The following TNKS variants were observed in gnomAD, a reference collection of about 807,000 sequenced individuals.
The protein encoded by TNKS is tankyrase.
A neutral mutation model predicts 135.8 loss-of-function variants in TNKS; 72 were observed. The ratio of observed to expected loss-of-function variants is 0.53; its 90% CI spans 0.44 to 0.64. TNKS has a LOEUF of 0.64. TNKS is among the 30% of genes least tolerant of loss of function. TNKS has a pLI of 0.00. For missense variants in TNKS, 1,769 were observed against 1,674.0 expected, an observed-to-expected ratio of 1.06 and a Z score of -0.99; for synonymous variants, 849 against 649.3, an observed-to-expected ratio of 1.31 and a Z score of -4.68.
At chr8:9,653,891 T>G (rs1801240920) in intron 3 of TNKS, among the ~76,000 whole-genome samples, 1 of 152,172 alleles carries the variant, frequency 6.6e-6, no homozygotes, top group Non-Finnish European at 1.5e-5. Context: ...CTCCCTCTAG[T>G]CCTTTCCCTG....
intron 2 of TNKS, among the ~76,000 whole-genome samples, chr8:9,592,627 A>G (rs755744189): frequency 6.6e-6 from 1 of 152,206 alleles, no homozygotes; most frequent in South Asian, 2.1e-4. Context: ...GTAGGAACTA[A>G]CAATAATCTT....
chr8:9,722,284 A>G (rs543044387), intron 12 of TNKS: 3 of 152,232 alleles, frequency 2.0e-5, no homozygotes, highest in Non-Finnish European at 2.9e-5. Context: ...TAGGGCTTGT[A>G]GAGATTATGA....
At chr8:9,679,420 C>T (rs1802678435) in intron 3 of TNKS, among the ~76,000 whole-genome samples, 1 of 151,972 alleles carries the variant, frequency 6.6e-6, no homozygotes, top group Non-Finnish European at 1.5e-5. Flanking sequence ...TCAAAGCCTT[C>T]GTGGTTCTGA....
chr8:9,573,616 C>G (rs1036486158), intron 1 of TNKS, among the ~76,000 whole-genome samples: 1 of 152,126 alleles, frequency 6.6e-6, no homozygotes, highest in East Asian at 1.9e-4. Context: ...TAGACAACCC[C>G]AAACTTAGTT....
At chr8:9,581,434 C>A (rs1219260482) in intron 2 of TNKS, among the ~76,000 whole-genome samples, 1 of 152,140 alleles carries the variant, frequency 6.6e-6, no homozygotes, top group African/African-American at 2.4e-5. Flanking sequence ...CTCCCATTTC[C>A]TCCTAAGTCT....
chr8:9,692,337 C>A (rs1585334632), intron 5 of TNKS, among the ~76,000 whole-genome samples: 3 of 152,162 alleles, frequency 2.0e-5, no homozygotes, highest in Admixed American at 2.0e-4. Context: ...ATAATGGCTT[C>A]CAGCTGCATC....
intron 24 of TNKS, 26 bp from the exon 25 acceptor site, chr8:9,766,213 G>A (rs201216404): frequency 9.5e-6 from 15 of 1,579,468 alleles, no homozygotes; most frequent in Middle Eastern, 1.7e-4. Context: ...GTTCAAAAAC[G>A]AATCTTTCTG....
rs1802520383 is a variant in TNKS, at chr8:9,676,046, CTT to C, written c.995-3904_995-3903del. 2.4e-5 allele frequency among the ~76,000 whole-genome samples: 3 copies of C among 126,744 alleles called. No homozygotes were observed. In the South Asian group the frequency reaches 7.6e-4, roughly 32 times the overall value. The allele number at this position is 126,744 out of a possible 152,430, so 83.1% of individuals were successfully genotyped here. On this transcript the variant is annotated intron_variant, in intron 3 of 26. Transcript: ENST00000310430. Reference sequence around the variant, plus strand: ...TTTTTTTTTGAGATAGAGTTTCTCTCTTGTTGCCCAGGCTGGAGTGCAATGGC... The same window carrying C: ...TTTTTTTTTGAGATAGAGTTTCTCTCGTTGCCCAGGCTGGAGTGCAATGGC...
At chr8:9,580,611 C>G (rs987455971) in intron 2 of TNKS, among the ~76,000 whole-genome samples, 1 of 152,126 alleles carries the variant, frequency 6.6e-6, no homozygotes, top group East Asian at 1.9e-4. Context: ...TGATGTGGAA[C>G]TCAATTTTAA....
At chr8:9,767,113 A>G (rs1299283385) in intron 25 of TNKS, among the ~76,000 whole-genome samples, 1 of 152,198 alleles carries the variant, frequency 6.6e-6, no homozygotes, top group Non-Finnish European at 1.5e-5. Context: ...TCTATAAAAA[A>G]CATAGACTCT....
At chr8:9,647,145 A>T (rs911766037) in intron 3 of TNKS, among the ~76,000 whole-genome samples, 1 of 152,200 alleles carries the variant, frequency 6.6e-6, no homozygotes, top group African/African-American at 2.4e-5. Flanking sequence ...AAAAAGCAAC[A>T]ACCCGCAAAC....
In TNKS at chr8:9,770,093, T is replaced by A; in HGVS notation, c.3741-13T>A. The A allele has an allele frequency of 6.3e-7, 1 of 1,584,502 alleles. No homozygotes were observed. The highest frequency in any genetic ancestry group is 1.8e-5 in the Admixed American group (1 of 56,520). The stretch of plus-strand genomic sequence containing the variant: ...AGCTTCCTTCAAAGCATTGTTTTTT[T>A]CTTTTTCCTTAGACAAATGCTCTTC... On this transcript the variant is annotated splice_polypyrimidine_tract_variant and intron_variant, in intron 25 of 26. Coordinates refer to ENST00000310430, the MANE Select transcript of TNKS (RefSeq NM_003747.3).
intron 2 of TNKS, among the ~76,000 whole-genome samples, chr8:9,609,265 G>T (rs1225624218): frequency 6.6e-6 from 1 of 151,962 alleles, no homozygotes; most frequent in Admixed American, 6.6e-5. Context: ...TCATTATCTT[G>T]GCTGTGCACT....
chr8:9,623,010 G>A (rs1799923280), intron 3 of TNKS, among the ~76,000 whole-genome samples: 1 of 152,080 alleles, frequency 6.6e-6, no homozygotes, highest in Non-Finnish European at 1.5e-5. Context: ...TAATAAAATA[G>A]AACAGTTATA....
chr8:9,654,654 T>C (rs1249211552), intron 3 of TNKS, among the ~76,000 whole-genome samples: 1 of 152,250 alleles, frequency 6.6e-6, no homozygotes, highest in Non-Finnish European at 1.5e-5. Context: ...CTTTGCAAGC[T>C]GTACCTCTAG....
chr8:9,700,257 T>C (rs1431675988), intron 5 of TNKS, among the ~76,000 whole-genome samples: 1 of 152,196 alleles, frequency 6.6e-6, no homozygotes. Context: ...CTTTTGTCCT[T>C]CTGAATAAAG....
chr8:9,705,877 A>G (rs998287693), intron 6 of TNKS, among the ~76,000 whole-genome samples: 2 of 152,216 alleles, frequency 1.3e-5, no homozygotes, highest in Non-Finnish European at 2.9e-5. Context: ...CTACCAATTA[A>G]CATTTATTTC....
chr8:9,712,659 GTGGGAGGATCGCT>G (rs1804396186), intron 11 of TNKS, among the ~76,000 whole-genome samples: 1 of 152,048 alleles, frequency 6.6e-6, no homozygotes, highest in Admixed American at 6.6e-5. Flanking sequence ...GGAGACTGAG[GTGGGAGGATCGCT>G]TGAGCCCAGG....
intron 5 of TNKS, among the ~76,000 whole-genome samples, chr8:9,692,920 C>T (rs547680946): frequency 2.6e-4 from 40 of 152,282 alleles, no homozygotes; most frequent in African/African-American, 9.1e-4. Context: ...TATCGATTCT[C>T]TAGCTGTTAA....
Sources: gnomAD v4.1 joint callset for allele counts (sites outside exome capture counted in the v4.1 genomes callset) on GRCh38, gnomAD v4.1.1 for gene constraint, MANE v1.5 for transcripts, NCBI Gene and HGNC (gene_info 2026-07-23, HGNC 2026-07-21) for gene names.